LUZP2: variants seen among roughly 807,000 people sequenced by gnomAD.
The protein encoded by LUZP2 is leucine zipper protein 2.
In LUZP2, 52 loss-of-function variants were observed where a neutral mutation model predicts 51.6. The ratio of observed to expected loss-of-function variants is 1.01; its 90% CI spans 0.81 to 1.27. The LOEUF is 1.27. LUZP2 is among the 50% of genes most tolerant of loss of function. LUZP2 has a pLI of 0.00. For missense variants in LUZP2, 436 were observed against 395.4 expected, an observed-to-expected ratio of 1.10 and a Z score of -0.87; for synonymous variants, 154 against 137.3, an observed-to-expected ratio of 1.12 and a Z score of -0.85.
At chr11:24,547,865 C>G (rs923492488) in intron 1 of LUZP2, among the ~76,000 whole-genome samples, 7 of 151,646 alleles carry the variant, frequency 4.6e-5, no homozygotes, top group Non-Finnish European at 8.8e-5. Flanking sequence ...AATCAATAAG[C>G]CAGAAAAAGA....
intron 5 of LUZP2, among the ~76,000 whole-genome samples, chr11:24,866,432 T>A (rs1323401494): frequency 6.6e-6 from 1 of 152,140 alleles, no homozygotes; most frequent in East Asian, 1.9e-4. Flanking sequence ...CAGCCTGCAA[T>A]AAGATTTTCT....
rs114516680 is a variant in LUZP2 at position 24,499,992 on chromosome 11, A to G, written c.62+2687A>G. 7.5e-3 allele frequency among the ~76,000 whole-genome samples: 1,149 copies of G among 152,278 alleles called. 15 individuals are homozygous for G. Among genetic ancestry groups the G allele is most frequent in the African/African-American group, 0.026 (1,096 of 41,538 alleles). ...CTGTCTTTTAAACAGAAATTTTTGA[A>G]TAGAAAACAATCCTGCCTTTTAAAT... On this transcript the variant is annotated intron_variant, in intron 1 of 11. Transcript: ENST00000336930.
intron 7 of LUZP2, among the ~76,000 whole-genome samples, chr11:24,943,879 A>C (rs1854830717): frequency 3.3e-5 from 1 of 29,948 alleles, no homozygotes; most frequent in Non-Finnish European, 5.7e-5. Flanking sequence ...CTCCATCTCA[A>C]AAAAAAAAAA....
chr11:24,835,377 A>G (rs1313522053), intron 5 of LUZP2, among the ~76,000 whole-genome samples: 3 of 152,186 alleles, frequency 2.0e-5, no homozygotes, highest in Non-Finnish European at 2.9e-5. Flanking sequence ...CCTTGGCAAT[A>G]CCATTCAGGA....
intron 7 of LUZP2, among the ~76,000 whole-genome samples, chr11:24,972,903 C>T (rs71478115): frequency 6.6e-6 from 1 of 151,976 alleles, no homozygotes; most frequent in African/African-American, 2.4e-5. Flanking sequence ...TGTTGTATGT[C>T]TGCCACGTTT....
intron 9 of LUZP2, among the ~76,000 whole-genome samples, chr11:25,020,105 A>G (rs190613087): frequency 1.1e-4 from 16 of 152,256 alleles, no homozygotes; most frequent in African/African-American, 3.8e-4. Flanking sequence ...TATTTTCTAA[A>G]GTTTATCATT....
chr11:24,728,288 A>G (rs532002816), intron 1 of LUZP2, among the ~76,000 whole-genome samples: 42 of 151,052 alleles, frequency 2.8e-4, no homozygotes, highest in African/African-American at 1.0e-3. Flanking sequence ...CTTATTCCAC[A>G]ACATACAGGC....
At chr11:25,018,605 T>G (rs1018032000) in intron 9 of LUZP2, among the ~76,000 whole-genome samples, 5 of 78,778 alleles carry the variant, frequency 6.3e-5, no homozygotes, top group African/African-American at 4.0e-4. Context: ...CCTTTTTCCT[T>G]TTTTTTTTTT....
intron 5 of LUZP2, among the ~76,000 whole-genome samples, chr11:24,813,399 A>G (rs114141303): frequency 0.019 from 2,964 of 152,312 alleles, 98 homozygotes; most frequent in African/African-American, 0.068. Context: ...AAGCATAATG[A>G]CATCTACTTC....
chr11:24,893,784 AC>A (rs1852934116), intron 5 of LUZP2, among the ~76,000 whole-genome samples: 1 of 151,722 alleles, frequency 6.6e-6, no homozygotes, highest in Non-Finnish European at 1.5e-5. Flanking sequence ...ACACACACAC[AC>A]ACACACACAC....
At chr11:25,002,103 T>A (rs7944111) in intron 9 of LUZP2, among the ~76,000 whole-genome samples, 1 of 152,222 alleles carries the variant, frequency 6.6e-6, no homozygotes, top group East Asian at 1.9e-4. Context: ...TAAGCATACT[T>A]TCTATCTGTA....
chr11:24,896,037 T>C (rs1853032250), intron 5 of LUZP2, among the ~76,000 whole-genome samples: 1 of 152,226 alleles, frequency 6.6e-6, no homozygotes, highest in Non-Finnish European at 1.5e-5. Context: ...CAATTCTGAC[T>C]GGTGTGAAAT....
chr11:24,878,777 C>A (rs1047288036), intron 5 of LUZP2, among the ~76,000 whole-genome samples: 7 of 151,696 alleles, frequency 4.6e-5, no homozygotes, highest in African/African-American at 1.5e-4. Context: ...TTTTGCCCCC[C>A]ACACCCTAAC....
chr11:24,704,448 A>AG (rs995301617), intron 1 of LUZP2, among the ~76,000 whole-genome samples: 2 of 151,820 alleles, frequency 1.3e-5, no homozygotes, highest in African/African-American at 4.8e-5. Flanking sequence ...AAATCAGAAA[A>AG]AAAAAAAACA....
At chr11:25,066,310 T>C (rs1308167827) in intron 10 of LUZP2, among the ~76,000 whole-genome samples, 1 of 151,966 alleles carries the variant, frequency 6.6e-6, no homozygotes, top group Non-Finnish European at 1.5e-5. Flanking sequence ...GTTGGTAGTA[T>C]AAAATGATTG....
intron 4 of LUZP2, among the ~76,000 whole-genome samples, chr11:24,756,098 G>A (rs1281987608): frequency 1.3e-5 from 2 of 151,928 alleles, no homozygotes; most frequent in East Asian, 1.9e-4. Flanking sequence ...ATTTCTTTCT[G>A]CTGGCTTCAA....
chr11:25,058,763 G>A (rs1205742331), intron 10 of LUZP2, among the ~76,000 whole-genome samples: 3 of 152,296 alleles, frequency 2.0e-5, no homozygotes, highest in East Asian at 1.9e-4. Flanking sequence ...CACTCCTGCC[G>A]TTGGCTCCAT....
At chr11:25,037,753 T>G (rs1395233221) in intron 9 of LUZP2, among the ~76,000 whole-genome samples, 9 of 151,756 alleles carry the variant, frequency 5.9e-5, no homozygotes, top group African/African-American at 1.7e-4. Context: ...CTTGTTGGAT[T>G]TTTTTTTTCT....
chr11:24,813,942 A>T (rs951477962), intron 5 of LUZP2, among the ~76,000 whole-genome samples: 4 of 152,224 alleles, frequency 2.6e-5, no homozygotes, highest in Non-Finnish European at 5.9e-5. Flanking sequence ...TGTCATGTGC[A>T]AACCGGAAAT....
Sources: allele counts gnomAD v4.1 joint callset (sites outside exome capture counted in the v4.1 genomes callset), GRCh38; gene constraint gnomAD v4.1.1; transcripts MANE v1.5; gene names NCBI Gene and HGNC (gene_info 2026-07-23, HGNC 2026-07-21).